The following WASF3 variants were observed in gnomAD, a reference collection of about 807,000 sequenced individuals.
WASF3 encodes the protein WASP family member 3.
Under a neutral mutation model 46.6 loss-of-function variants are expected in WASF3, and 11 were observed. The ratio of observed to expected loss-of-function variants is 0.24; its 90% CI spans 0.15 to 0.39. WASF3 has a LOEUF of 0.39. Ranked by LOEUF, WASF3 falls within the 10% of genes least tolerant of loss-of-function variation. The pLI is 1.00. For synonymous variants in WASF3, 242 were observed against 259.7 expected (o/e 0.93, Z 0.65); for missense variants, 576 against 669.8 (o/e 0.86, Z 1.55).
intron 1 of WASF3, among the ~76,000 whole-genome samples, chr13:26,608,177 A>T (rs1330656021): frequency 6.6e-6 from 1 of 152,080 alleles, no homozygotes; most frequent in Non-Finnish European, 1.5e-5. Context: ...GGTATGGGCC[A>T]CTCATGGATC....
rs546392486 is a variant in WASF3 at position 26,653,459 on chromosome 13, C to T, written c.133+11056C>T. On this transcript the variant is annotated intron_variant, in intron 3 of 9. Transcript: ENST00000335327. ...CCCATTGAGATTTCATCACACTCAACGCTTTTGAAACTGTGCTTATTGGCA... is the reference window on the plus strand; with the variant it reads ...CCCATTGAGATTTCATCACACTCAATGCTTTTGAAACTGTGCTTATTGGCA... 6.6e-4 allele frequency among the ~76,000 whole-genome samples: 100 copies of T among 152,294 alleles called. 1 individual carries two copies. In the South Asian group the frequency reaches 0.02, roughly 30 times the overall value.
intron 7 of WASF3, chr13:26,680,349 G>C (rs1477528734): frequency 3.2e-6 from 3 of 943,152 alleles, no homozygotes; most frequent in Non-Finnish European, 4.5e-6. Context: ...CGGCACTGCC[G>C]GGCTGCCACA....
upstream of WASF3, among the ~76,000 whole-genome samples, chr13:26,555,384 T>C (rs559112130): frequency 6.6e-6 from 1 of 152,178 alleles, no homozygotes; most frequent in Non-Finnish European, 1.5e-5. Flanking sequence ...AAGGTCTGCA[T>C]TCCTCTTTTC....
chr13:26,578,979 T>C (rs1352738741), intron 1 of WASF3, among the ~76,000 whole-genome samples: 3 of 146,800 alleles, frequency 2.0e-5, no homozygotes, highest in African/African-American at 7.5e-5. Context: ...CCTTATATTC[T>C]TGGGATACAT....
At chr13:26,611,562 T>C (rs1880979277) in intron 1 of WASF3, among the ~76,000 whole-genome samples, 1 of 152,182 alleles carries the variant, frequency 6.6e-6, no homozygotes, top group Non-Finnish European at 1.5e-5. Context: ...TGTATAGGGC[T>C]GGTTACCCTC....
At chr13:26,553,593 G>A (rs1274385114), upstream of WASF3, among the ~76,000 whole-genome samples, 9 of 152,002 alleles carry the variant, frequency 5.9e-5, no homozygotes, top group Admixed American at 1.3e-4. Flanking sequence ...CGAGGCGGGC[G>A]GATCATGAGG....
chr13:26,590,519 A>G (rs773540406), intron 1 of WASF3, among the ~76,000 whole-genome samples: 5 of 152,158 alleles, frequency 3.3e-5, no homozygotes, highest in Admixed American at 1.3e-4. Context: ...AATATGCCCT[A>G]TAAATCTACT....
intron 2 of WASF3, among the ~76,000 whole-genome samples, chr13:26,637,653 T>A (rs866498688): frequency 6.6e-6 from 1 of 152,264 alleles, no homozygotes; most frequent in African/African-American, 2.4e-5. Context: ...CCAACTCCGC[T>A]GCTTTTCTGG....
In WASF3 at chr13:26,608,456, T is replaced by G. The variant is rs890918757; in HGVS notation, c.-108-4505T>G. On this transcript the variant is annotated intron_variant, in intron 1 of 9. Transcript: ENST00000335327. ...GGTGTTCAGTGAATGTCAGCTAACG[T>G]TATTTTTGTTTTAGCTTACAGCAGT... Among the ~76,000 whole-genome samples, 9 of 152,196 alleles carry G rather than the reference T, an allele frequency of 5.9e-5. No homozygotes were observed. In the East Asian group the frequency reaches 1.7e-3, roughly 29 times the overall value.
chr13:26,610,495 C>T (rs1880939484), intron 1 of WASF3, among the ~76,000 whole-genome samples: 1 of 152,118 alleles, frequency 6.6e-6, no homozygotes, highest in African/African-American at 2.4e-5. Context: ...CACATAACTA[C>T]ATATATATGT....
At chr13:26,618,465 T>C (rs193178561) in intron 2 of WASF3, among the ~76,000 whole-genome samples, 1 of 151,908 alleles carries the variant, frequency 6.6e-6, no homozygotes, top group African/African-American at 2.4e-5. Context: ...TCTCTCGCTC[T>C]CTCTCTCTCC....
chr13:26,632,878 A>G (rs979021509), intron 2 of WASF3, among the ~76,000 whole-genome samples: 2 of 152,098 alleles, frequency 1.3e-5, no homozygotes, highest in Admixed American at 6.5e-5. Context: ...CAGAGATTCA[A>G]CTTCTTCCTG....
At chr13:26,655,285 A>G (rs963356850) in intron 3 of WASF3, among the ~76,000 whole-genome samples, 7 of 152,184 alleles carry the variant, frequency 4.6e-5, no homozygotes, top group African/African-American at 1.7e-4. Context: ...CATTTATGTT[A>G]TGGAATGTCC....
At chr13:26,586,912 G>A (rs1230326152) in intron 1 of WASF3, among the ~76,000 whole-genome samples, 1 of 151,408 alleles carries the variant, frequency 6.6e-6, no homozygotes, top group Admixed American at 6.6e-5. Context: ...TTTCAGTCTG[G>A]TCAACATGGC....
intron 2 of WASF3, among the ~76,000 whole-genome samples, chr13:26,633,754 A>G (rs1881729903): frequency 6.6e-6 from 1 of 152,166 alleles, no homozygotes; most frequent in Admixed American, 6.5e-5. Flanking sequence ...TGTACCCAGT[A>G]GTCATTCAGG....
intron 2 of WASF3, among the ~76,000 whole-genome samples, chr13:26,633,677 T>G (rs1881727383): frequency 6.6e-6 from 1 of 152,192 alleles, no homozygotes; most frequent in African/African-American, 2.4e-5. Flanking sequence ...TCCCAGAGAT[T>G]CTGGTATTTG....
At chr13:26,587,936 T>C (rs749948512) in intron 1 of WASF3, among the ~76,000 whole-genome samples, 1 of 152,150 alleles carries the variant, frequency 6.6e-6, no homozygotes, top group Non-Finnish European at 1.5e-5. Flanking sequence ...TGATTTATGA[T>C]TGCTATAGGA....
At chr13:26,607,254 T>C (rs1880827404) in intron 1 of WASF3, among the ~76,000 whole-genome samples, 1 of 152,168 alleles carries the variant, frequency 6.6e-6, no homozygotes, top group South Asian at 2.1e-4. Context: ...TGATTCATAG[T>C]TATATTTCTA....
chr13:26,675,832 A>G (rs1045781172), intron 6 of WASF3, among the ~76,000 whole-genome samples: 1 of 152,152 alleles, frequency 6.6e-6, no homozygotes, highest in Admixed American at 6.5e-5. Flanking sequence ...ACAAGAGGGA[A>G]ACGTAGGAAA....
Sources: gnomAD v4.1 joint callset for allele counts (sites outside exome capture counted in the v4.1 genomes callset) on GRCh38, gnomAD v4.1.1 for gene constraint, MANE v1.5 for transcripts, NCBI Gene and HGNC (gene_info 2026-07-23, HGNC 2026-07-21) for gene names.